The following ABCG2 variants were observed in gnomAD, a reference collection of about 807,000 sequenced individuals.
ABCG2 encodes ATP binding cassette subfamily G member 2 (JR blood group).
A neutral mutation model predicts 73.5 loss-of-function variants in ABCG2; 80 were observed. The ratio of observed to expected loss-of-function variants is 1.09; its 90% CI spans 0.91 to 1.31. The LOEUF (loss-of-function observed/expected upper bound fraction) is 1.31, where lower values mean the gene tolerates loss of function less well. Among genes scored for constraint, ABCG2 ranks in the 50% most tolerant of loss-of-function variants. The probability of loss-of-function intolerance (pLI) is 0.00; values close to 1 mark genes in which losing one functional copy is unlikely to be tolerated. For missense variants in ABCG2, 796 were observed against 786.2 expected (o/e 1.01, Z -0.15); for synonymous variants, 269 against 282.4 (o/e 0.95, Z 0.48).
chr4:88,113,644 T>C (rs1723303420), intron 8 of ABCG2, 91 bp from the exon 9 acceptor site: 1 of 1,475,224 alleles, frequency 6.8e-7, no homozygotes, highest in Admixed American at 2.0e-5. Flanking sequence ...GATGCTTCCC[T>C]AACACCTTCA....
At chr4:88,213,387 A>C (rs1729678314) in intron 1 of ABCG2, among the ~76,000 whole-genome samples, 1 of 152,034 alleles carries the variant, frequency 6.6e-6, no homozygotes, top group Admixed American at 6.6e-5. Context: ...TACTTGACTG[A>C]GAAAACTGAA....
At chr4:88,108,359 T>TTA (rs1553932494) in intron 9 of ABCG2, among the ~76,000 whole-genome samples, 24 of 149,252 alleles carry the variant, frequency 1.6e-4, no homozygotes, top group Non-Finnish European at 3.1e-4. Context: ...CCGTCTCTAC[T>TTA]AAAAAAAAAC....
intron 5 of ABCG2, among the ~76,000 whole-genome samples, chr4:88,122,496 C>G (rs886111934): frequency 2.6e-5 from 4 of 152,132 alleles, no homozygotes; most frequent in African/African-American, 9.7e-5. Flanking sequence ...GAGGGGCATC[C>G]ACCATTACTG....
intron 2 of ABCG2, 28 bp downstream of exon 2, chr4:88,139,765 C>T: frequency 1.9e-6 from 3 of 1,590,130 alleles, no homozygotes; most frequent in East Asian, 2.2e-5. Context: ...AATTAAAAAG[C>T]TGTCTTTTTA....
intron 4 of ABCG2, 114 bp downstream of exon 4, chr4:88,131,689 G>A (rs1724886703): frequency 7.1e-6 from 5 of 703,672 alleles, no homozygotes; most frequent in Non-Finnish European, 7.1e-6. Context: ...TGTAAAGAAC[G>A]TCAGTTCTAG....
At chr4:88,202,376 A>ATATATATATATATATATATG (rs1176057791) in intron 1 of ABCG2, among the ~76,000 whole-genome samples, 11 of 128,568 alleles carry the variant, frequency 8.6e-5, no homozygotes, top group Non-Finnish European at 1.3e-4. Context: ...ATATATATAT[A>ATATATATATATATATATATG]TGTATATTTT....
chr4:88,190,173 T>A (rs1038430211), intron 1 of ABCG2, among the ~76,000 whole-genome samples: 1 of 152,192 alleles, frequency 6.6e-6, no homozygotes, highest in Non-Finnish European at 1.5e-5. Flanking sequence ...AAACAGTCTT[T>A]GAGGTAGATT....
chr4:88,107,182 A>G lies in ABCG2; in HGVS notation c.1277+2T>C, dbSNP rs1204075276. 7 of 1,605,626 alleles carry G rather than the reference A, an allele frequency of 4.4e-6. No homozygotes were observed. In the South Asian group the frequency reaches 6.7e-5, roughly 15 times the overall value. On this transcript the variant is annotated splice_donor_variant, in intron 10 of 15. Transcript: ENST00000237612. LOFTEE classifies it high-confidence loss of function. Reference sequence around the variant, plus strand: ...TGAAAATCAAGATCCAAATTTACTTACCTGTTCTGGATTCCAGTAGAATCA... The same window carrying G: ...TGAAAATCAAGATCCAAATTTACTTGCCTGTTCTGGATTCCAGTAGAATCA...
At chr4:88,179,093 C>A (rs191112804) in intron 1 of ABCG2, among the ~76,000 whole-genome samples, 49 of 152,280 alleles carry the variant, frequency 3.2e-4, no homozygotes, top group Middle Eastern at 6.8e-3. Flanking sequence ...TAGGCAACAC[C>A]CAGTGCTATG....
chr4:88,203,687 G>A (rs1729268807), intron 1 of ABCG2, among the ~76,000 whole-genome samples: 1 of 150,708 alleles, frequency 6.6e-6, no homozygotes, highest in South Asian at 2.1e-4. Flanking sequence ...CCAGGAGGCA[G>A]AGGTTGCAGT....
intron 1 of ABCG2, among the ~76,000 whole-genome samples, chr4:88,195,782 G>T (rs1158655058): frequency 6.6e-6 from 1 of 152,164 alleles, no homozygotes; most frequent in Non-Finnish European, 1.5e-5. Context: ...TGGGCTGTCT[G>T]CATGCACAGT....
At chr4:88,192,965 A>T (rs1352421285) in intron 1 of ABCG2, among the ~76,000 whole-genome samples, 1 of 151,272 alleles carries the variant, frequency 6.6e-6, no homozygotes, top group African/African-American at 2.4e-5. Context: ...CACCCGCCTC[A>T]GCCTCCCAAA....
chr4:88,164,788 T>C (rs1727450295), intron 1 of ABCG2, among the ~76,000 whole-genome samples: 2 of 152,156 alleles, frequency 1.3e-5, no homozygotes, highest in African/African-American at 2.4e-5. Context: ...TTGTTGTTGT[T>C]TGTTTTTGAG....
chr4:88,116,281 G>C (rs1197926647), intron 7 of ABCG2, among the ~76,000 whole-genome samples: 1 of 152,086 alleles, frequency 6.6e-6, no homozygotes, highest in Non-Finnish European at 1.5e-5. Flanking sequence ...AATCCCCTGA[G>C]CAGTATTCTC....
intron 9 of ABCG2, among the ~76,000 whole-genome samples, chr4:88,111,208 A>T (rs1484678467): frequency 6.6e-6 from 1 of 150,434 alleles, no homozygotes; most frequent in Non-Finnish European, 1.5e-5. Flanking sequence ...CAAGTAAGAA[A>T]AATCTAATGC....
intron 14 of ABCG2, 99 bp downstream of exon 14, chr4:88,095,421 C>T (rs890538398): frequency 8.1e-6 from 9 of 1,117,030 alleles, no homozygotes; most frequent in African/African-American, 4.7e-5. Flanking sequence ...GGATGGGAGA[C>T]TTTCACAGCT....
At chr4:88,096,165 G>A (rs780298162) in intron 13 of ABCG2, among the ~76,000 whole-genome samples, 2 of 152,212 alleles carry the variant, frequency 1.3e-5, no homozygotes, top group Non-Finnish European at 2.9e-5. Context: ...AGAGTATAAT[G>A]TAGTGAGAGG....
chr4:88,204,509 T>A (rs1306693276), intron 1 of ABCG2, among the ~76,000 whole-genome samples: 1 of 152,178 alleles, frequency 6.6e-6, no homozygotes, highest in African/African-American at 2.4e-5. Context: ...ATGTTTAGGG[T>A]CCCATTTGGA....
At chr4:88,114,367 C>T (rs1017454267) in intron 8 of ABCG2, among the ~76,000 whole-genome samples, 6 of 152,110 alleles carry the variant, frequency 3.9e-5, no homozygotes, top group Admixed American at 2.0e-4. Flanking sequence ...TGGCTCACAC[C>T]TGTAATCCCA....
Sources: gnomAD v4.1 joint callset for allele counts (sites outside exome capture counted in the v4.1 genomes callset) on GRCh38, gnomAD v4.1.1 for gene constraint, MANE v1.5 for transcripts, NCBI Gene and HGNC (gene_info 2026-07-23, HGNC 2026-07-21) for gene names.